Variants in PPP1R3A observed in about 807,000 individuals in gnomAD.
PPP1R3A encodes the protein protein phosphatase 1 regulatory subunit 3A, also known as RG1.
A neutral mutation model predicts 41.7 loss-of-function variants in PPP1R3A; 29 were observed. That is an observed-to-expected ratio of 0.70 (90% CI 0.52 to 0.95). The LOEUF is 0.95. Ranked by LOEUF, PPP1R3A falls within the 40% of genes least tolerant of loss-of-function variation. The pLI is 0.00. For synonymous variants in PPP1R3A, 485 were observed against 453.4 expected, an observed-to-expected ratio of 1.07 and a Z score of -0.89; for missense variants, 1,352 against 1,292.4, an observed-to-expected ratio of 1.05 and a Z score of -0.71.
At chr7:113,889,585 A>C (rs984771147) in intron 1 of PPP1R3A, among the ~76,000 whole-genome samples, 1 of 152,170 alleles carries the variant, frequency 6.6e-6, no homozygotes, top group African/African-American at 2.4e-5. Flanking sequence ...GGCTTGCACT[A>C]TCTTTATAAG....
At chr7:113,883,984 G>C (rs573359630) in intron 1 of PPP1R3A, among the ~76,000 whole-genome samples, 269 of 151,790 alleles carry the variant, frequency 1.8e-3, no homozygotes, top group African/African-American at 6.3e-3. Flanking sequence ...TGTAAATATA[G>C]AAATATAGGA....
At chr7:113,905,404 A>G (rs1274139681) in intron 1 of PPP1R3A, among the ~76,000 whole-genome samples, 1 of 151,786 alleles carries the variant, frequency 6.6e-6, no homozygotes, top group African/African-American at 2.4e-5. Flanking sequence ...CCCATTGCTT[A>G]AAGTTTACAA....
chr7:113,885,559 T>C (rs943461016), intron 1 of PPP1R3A, among the ~76,000 whole-genome samples: 2 of 152,046 alleles, frequency 1.3e-5, no homozygotes, highest in Non-Finnish European at 2.9e-5. Context: ...GGAATGTCCA[T>C]AGTGTCATTG....
intron 3 of PPP1R3A, 134 bp downstream of exon 3, chr7:113,881,905 G>T (rs1028483425): frequency 3.0e-6 from 3 of 994,886 alleles, no homozygotes; most frequent in Admixed American, 1.9e-5. Flanking sequence ...AGCTAGAGAC[G>T]CAAGGACAGA....
At chr7:113,883,388 A>G (rs1161290962) in intron 1 of PPP1R3A, among the ~76,000 whole-genome samples, 1 of 152,022 alleles carries the variant, frequency 6.6e-6, no homozygotes, top group African/African-American at 2.4e-5. Context: ...GGCCAATTTT[A>G]TATTCACAAA....
In PPP1R3A at chr7:113,918,636, G is replaced by A; in HGVS notation, c.361C>T (p.Gln121Ter). The A allele has an allele frequency of 1.9e-6, 3 of 1,613,542 alleles. No individual in the cohort carries two copies. The highest frequency in any genetic ancestry group is 1.7e-6 in the Non-Finnish European group (2 of 1,179,702). The change falls in exon 1 of 4, where the codon CAA becomes TAA. Residue 121 changes from glutamine (Q) to a stop codon, truncating the protein, a stop_gained. Transcript: ENST00000284601. LOFTEE classifies it high-confidence loss of function. Reference protein sequence around the residue: ...DLPSSKEDLMQQLQIQKAILE... With the variant: ...DLPSSKEDLM ...ATTGCTTTCTGTATTTGGAGTTGTT[G>A]CATAAGATCTTCTTTTGAAGAAGGC... is the stretch of plus-strand genomic sequence containing the variant.
At chr7:113,881,984 T>C in intron 3 of PPP1R3A, 55 bp downstream of exon 3, 3 of 1,602,834 alleles carry the variant, frequency 1.9e-6, no homozygotes. Context: ...TTGCAGCATC[T>C]TTGAAGCAGA....
At chr7:113,918,115 A>G (rs1445479311) in intron 1 of PPP1R3A, 100 bp downstream of exon 1, 2 of 1,180,720 alleles carry the variant, frequency 1.7e-6, no homozygotes, top group Admixed American at 2.4e-5. Context: ...AGCAAGCAGT[A>G]TATTTTTAAA....
rs766790006 is a variant in PPP1R3A at position 113,879,016 on chromosome 7, C to G, written c.2076G>C (p.Thr692=). The G allele has an allele frequency of 1.9e-6, 3 of 1,613,570 alleles. No individual in the cohort carries two copies. The highest frequency in any genetic ancestry group is 3.3e-5 in the Admixed American group (2 of 59,952). The change falls in exon 4 of 4, where the codon ACG becomes ACC. Residue 692 remains threonine, a synonymous_variant. Transcript: ENST00000284601. ...CTTCTGTAGTAGCTTTCAAACTCCT[C>G]GTATTATCTCTTTTTCCCCACACGT... ...CEDVWGKRDN[T]RSLKATTEEL...
intron 1 of PPP1R3A, among the ~76,000 whole-genome samples, chr7:113,916,355 C>T (rs1017092712): frequency 1.4e-4 from 21 of 151,980 alleles, no homozygotes; most frequent in African/African-American, 4.8e-4. Context: ...GTTCTGAATA[C>T]AAATGTATGT....
At chr7:113,913,992 C>T (rs1293443074) in intron 1 of PPP1R3A, among the ~76,000 whole-genome samples, 1 of 152,010 alleles carries the variant, frequency 6.6e-6, no homozygotes, top group African/African-American at 2.4e-5. Context: ...CAACTCAGAA[C>T]CTGACATACA....
At position 113,919,008 on chromosome 7, in the gene PPP1R3A, A is replaced by T. The variant is rs200912189; in HGVS notation, c.-12T>A. 17 of 1,604,784 alleles carry T rather than the reference A, an allele frequency of 1.1e-5. No homozygotes were observed. The Admixed American group carries it at 2.8e-4, about 27-fold the overall frequency. ...TCAGAAGGCTCCATTGGGCTCTCTG[A>T]TATCAAATAAGAGAGAACTGTACGA... On this transcript the variant is annotated 5_prime_UTR_variant, in exon 1 of 4. Coordinates refer to ENST00000284601, the MANE Select transcript of PPP1R3A (RefSeq NM_002711.4).
chr7:113,916,967 T>A (rs113088784), intron 1 of PPP1R3A, among the ~76,000 whole-genome samples: 2,204 of 152,130 alleles, frequency 0.014, 50 homozygotes, highest in African/African-American at 0.05. Flanking sequence ...TAAAGGAAAA[T>A]GAAAATAAAC....
intron 1 of PPP1R3A, among the ~76,000 whole-genome samples, chr7:113,896,295 ATACTGTTATGGAATC>A (rs1459038425): frequency 6.6e-6 from 1 of 151,866 alleles, no homozygotes; most frequent in Non-Finnish European, 1.5e-5. Context: ...AAAAGAGCCT[ATACTGTTATGGAATC>A]TACCGCTTCA....
intron 1 of PPP1R3A, among the ~76,000 whole-genome samples, chr7:113,901,875 C>T (rs1411558782): frequency 2.0e-5 from 3 of 151,768 alleles, no homozygotes; most frequent in Admixed American, 6.6e-5. Context: ...GCCTGACCTA[C>T]ATCACAGGGT....
At chr7:113,904,639 A>G (rs1043453364) in intron 1 of PPP1R3A, among the ~76,000 whole-genome samples, 1 of 151,696 alleles carries the variant, frequency 6.6e-6, no homozygotes, top group African/African-American at 2.4e-5. Context: ...TTGGTCCAAA[A>G]TCATCATAAG....
Position 113,876,824 on chromosome 7 carries a change from T to C in PPP1R3A, c.*899A>G, listed in dbSNP as rs1028776811. 1.3e-5 allele frequency: 2 copies of C among 152,174 alleles called. No homozygotes were observed. The highest frequency in any genetic ancestry group is 2.9e-5 in the Non-Finnish European group (2 of 67,934). 9.4% of individuals were successfully genotyped at this position (152,174 alleles called of 1,614,324 possible). On this transcript the variant is annotated 3_prime_UTR_variant, in exon 4 of 4. Coordinates refer to ENST00000284601, the MANE Select transcript of PPP1R3A (RefSeq NM_002711.4). ...AAAATATTTGAAGACAAAAATACAA[T>C]GTGGAACAAATAGTCCATTTGGAAT...
In PPP1R3A at chr7:113,878,429, A is replaced by G. The variant is rs1361391848; in HGVS notation, c.2663T>C (p.Leu888Ser). ...ENRDLRQVQE[L>S]SKKTDSDAIV... ...GGCATCCGAGTCTGTTTTCTTTGAT[A>G]ATTCTTGAACCTGCCTAAGATCTCT... Residue 888 changes from leucine to serine, a missense_variant, in exon 4 of 4, where the codon TTA becomes TCA. Transcript: ENST00000284601. 6.2e-7 allele frequency: 1 copy of G among 1,612,016 alleles called. No homozygotes were observed. The highest frequency in any genetic ancestry group is 8.5e-7 in the Non-Finnish European group (1 of 1,179,664).
chr7:113,894,981 CA>C, intron 1 of PPP1R3A, among the ~76,000 whole-genome samples: 1 of 152,034 alleles, frequency 6.6e-6, no homozygotes, highest in Middle Eastern at 3.4e-3. Flanking sequence ...ACTTTGAAAT[CA>C]AATCATTCAG....
Sources: allele counts gnomAD v4.1 joint callset (sites outside exome capture counted in the v4.1 genomes callset), GRCh38; gene constraint gnomAD v4.1.1; transcripts MANE v1.5; gene names NCBI Gene and HGNC (gene_info 2026-07-23, HGNC 2026-07-21).